PIK3R3: variants seen among roughly 807,000 people sequenced by gnomAD.
The protein encoded by PIK3R3 is phosphatidylinositol 3-kinase regulatory subunit gamma.
In PIK3R3, 64 loss-of-function variants were observed where a neutral mutation model predicts 62.9. The ratio of observed to expected loss-of-function variants is 1.02; its 90% CI spans 0.83 to 1.25. PIK3R3 has a LOEUF of 1.25. PIK3R3 is among the 50% of genes most tolerant of loss of function. The pLI is 0.00. For missense variants in PIK3R3, 614 were observed against 561.6 expected (o/e 1.09, Z -0.94); for synonymous variants, 165 against 189.0 (o/e 0.87, Z 1.04).
In PIK3R3 at chr1:46,132,617, T is replaced by G. The variant is rs932112060; in HGVS notation, c.-665A>C. 174 of 1,289,558 alleles carry G rather than the reference T, an allele frequency of 1.3e-4. No individual in the cohort carries two copies. The highest frequency in any genetic ancestry group is 9.4e-5 in the Non-Finnish European group (93 of 988,740). 79.9% of individuals were successfully genotyped at this position (1,289,558 alleles called of 1,614,324 possible). ...ACCAACCCGACCGCACCAACTGCCC[T>G]CAAGCTCTGCCCGGACTCCAGCCAC... On this transcript the variant is annotated 5_prime_UTR_variant, in exon 1 of 10. Transcript: ENST00000262741.
In PIK3R3 at chr1:46,045,945, T is replaced by C. The variant is rs200304610; in HGVS notation, c.1160A>G (p.Lys387Arg). The C allele has an allele frequency of 1.3e-4, 215 of 1,613,712 alleles. No individual in the cohort carries two copies. Among genetic ancestry groups the C allele is most frequent in the Non-Finnish European group, 1.5e-4 (182 of 1,179,854 alleles). ...CACAGAGCAAGCATAGCATCCTTTC[T>C]TGCTACTCTCACGAATTAAGAATGC... Reference protein sequence around the residue: ...DGAFLIRESSKKGCYACSVVA... With the variant: ...DGAFLIRESSRKGCYACSVVA... The change falls in exon 9 of 10, where the codon AAG (lysine) becomes AGG (arginine). Residue 387 changes from lysine (K) to arginine (R), a missense_variant. By Grantham distance (26) the Lys-to-Arg change is conservative. Coordinates refer to ENST00000262741, the MANE Select transcript of PIK3R3 (RefSeq NM_003629.4).
the PIK3R3 span, among the ~76,000 whole-genome samples, chr1:46,153,933 G>T: frequency 2.0e-5 from 3 of 152,186 alleles, no homozygotes; most frequent in Non-Finnish European, 4.4e-5. Context: ...TCCTGGAGAG[G>T]ATAGGAAAAG....
intron 1 of PIK3R3, among the ~76,000 whole-genome samples, chr1:46,102,135 A>G (rs1295591415): frequency 2.0e-5 from 3 of 151,330 alleles, no homozygotes; most frequent in Admixed American, 6.6e-5. Context: ...ACAGGCGCCC[A>G]CCACCTCGCC....
intron 1 of PIK3R3, among the ~76,000 whole-genome samples, chr1:46,129,715 A>C (rs1655414290): frequency 6.6e-6 from 1 of 152,312 alleles, no homozygotes; most frequent in Non-Finnish European, 1.5e-5. Flanking sequence ...ATCACATAAA[A>C]CAAGGTTGAC....
the PIK3R3 span, among the ~76,000 whole-genome samples, chr1:46,155,983 A>G: frequency 3.3e-5 from 5 of 152,202 alleles, no homozygotes. Context: ...GATATTTACT[A>G]TCTGGCTCTT....
At position 46,043,616 on chromosome 1, in the gene PIK3R3, TC is replaced by T. The variant is rs1182582715; in HGVS notation, c.*56del. ...TGTAGAAAGAATGCCCTCATCGTAG[TC>T]TAATAAAAACTGTAGAAAAAAATGC... On this transcript the variant is annotated 3_prime_UTR_variant, in exon 10 of 10. Coordinates refer to ENST00000262741, the MANE Select transcript of PIK3R3 (RefSeq NM_003629.4). 1 of 1,417,840 alleles carries T rather than the reference TC, an allele frequency of 7.1e-7. No homozygotes were observed. The allele number at this position is 1,417,840 out of a possible 1,614,324, so 87.8% of individuals were successfully genotyped here.
At chr1:46,055,628 T>C (rs2149384636) in intron 7 of PIK3R3, among the ~76,000 whole-genome samples, 167 bp downstream of exon 7, 1 of 152,346 alleles carries the variant, frequency 6.6e-6, no homozygotes, top group South Asian at 2.1e-4. Context: ...TCAGATTAAC[T>C]CTGGTACCCC....
At chr1:46,107,771 A>G (rs1653355306) in intron 1 of PIK3R3, among the ~76,000 whole-genome samples, 1 of 152,224 alleles carries the variant, frequency 6.6e-6, no homozygotes, top group African/African-American at 2.4e-5. Context: ...GGAATCCACT[A>G]TTTAGATAAT....
intron 1 of PIK3R3, among the ~76,000 whole-genome samples, chr1:46,131,208 C>G (rs891685710): frequency 6.6e-6 from 1 of 152,182 alleles, no homozygotes; most frequent in African/African-American, 2.4e-5. Context: ...AAATATTGCA[C>G]GTAGATTTCT....
At chr1:46,170,701 G>A in the PIK3R3 span, among the ~76,000 whole-genome samples, 7 of 152,266 alleles carry the variant, frequency 4.6e-5, no homozygotes, top group South Asian at 1.0e-3. Flanking sequence ...GATTACAGGC[G>A]CGAGCCACCG....
Position 46,043,404 on chromosome 1 carries a change from A to C in PIK3R3, c.*269T>G. 4.2e-6 allele frequency: 2 copies of C among 471,150 alleles called. No homozygotes were observed. Among genetic ancestry groups the C allele is most frequent in the Non-Finnish European group, 7.8e-6 (2 of 256,082 alleles). 29.2% of individuals were successfully genotyped at this position (471,150 alleles called of 1,614,324 possible). Reference sequence around the variant, plus strand: ...TTCTGTTGAGGGTGTCTGGCTAAACAAAACAAAAACCCCAATGAAACAGAC... The same window carrying C: ...TTCTGTTGAGGGTGTCTGGCTAAACCAAACAAAAACCCCAATGAAACAGAC... On this transcript the variant is annotated 3_prime_UTR_variant, in exon 10 of 10. Transcript: ENST00000262741.
chr1:46,116,533 G>C (rs571676545), intron 1 of PIK3R3, among the ~76,000 whole-genome samples: 2 of 151,376 alleles, frequency 1.3e-5, no homozygotes, highest in Non-Finnish European at 2.9e-5. Context: ...TCAAAAATGT[G>C]TTTTTGCAGT....
the PIK3R3 span, among the ~76,000 whole-genome samples, chr1:46,168,002 C>T: frequency 6.6e-6 from 1 of 151,856 alleles, no homozygotes; most frequent in East Asian, 1.9e-4. Context: ...CTAAAAATAC[C>T]AAAATTAGCT....
intron 2 of PIK3R3, among the ~76,000 whole-genome samples, chr1:46,079,597 C>T (rs577148386): frequency 6.6e-6 from 1 of 152,336 alleles, no homozygotes; most frequent in South Asian, 2.1e-4. Flanking sequence ...TAAATGTCTA[C>T]ATGTCACTTA....
intron 1 of PIK3R3, among the ~76,000 whole-genome samples, chr1:46,115,053 G>C (rs1369760284): frequency 6.6e-6 from 1 of 152,130 alleles, no homozygotes; most frequent in African/African-American, 2.4e-5. Context: ...TTAGTGTCAA[G>C]CTTAGGATTT....
intron 6 of PIK3R3, among the ~76,000 whole-genome samples, chr1:46,061,110 T>G (rs1223163259): frequency 6.6e-6 from 1 of 152,224 alleles, no homozygotes; most frequent in Non-Finnish European, 1.5e-5. Context: ...ATCAGCTGCC[T>G]GCCCCCTAGT....
chr1:46,076,313 A>T (rs1650058458), intron 3 of PIK3R3, among the ~76,000 whole-genome samples: 1 of 152,246 alleles, frequency 6.6e-6, no homozygotes. Context: ...ATATTGAGCA[A>T]AATAGCTTAA....
chr1:46,150,969 C>G, the PIK3R3 span, among the ~76,000 whole-genome samples: 3 of 151,786 alleles, frequency 2.0e-5, no homozygotes, highest in Admixed American at 1.3e-4. Flanking sequence ...CCACTGTGCC[C>G]AGCTAATTTT....
intron 1 of PIK3R3, among the ~76,000 whole-genome samples, chr1:46,091,041 G>C (rs1441990745): frequency 2.6e-5 from 4 of 151,940 alleles, no homozygotes; most frequent in Non-Finnish European, 4.4e-5. Flanking sequence ...TGTTGCCCAG[G>C]CTGGTCTCAA....
Sources: allele counts gnomAD v4.1 joint callset (sites outside exome capture counted in the v4.1 genomes callset), GRCh38; gene constraint gnomAD v4.1.1; transcripts MANE v1.5; gene names NCBI Gene and HGNC (gene_info 2026-07-23, HGNC 2026-07-21).